The following ZNF385D variants were observed in gnomAD, a reference collection of about 807,000 sequenced individuals.
ZNF385D encodes the protein zinc finger protein 659.
In ZNF385D, 15 loss-of-function variants were observed where a neutral mutation model predicts 35.8. That is an observed-to-expected ratio of 0.42 (90% CI 0.28 to 0.64). The LOEUF (loss-of-function observed/expected upper bound fraction) is 0.64. Ranked by LOEUF, ZNF385D falls within the 30% of genes least tolerant of loss-of-function variation. The pLI is 0.23. For missense variants in ZNF385D, 474 were observed against 494.6 expected (o/e 0.96, Z 0.39); for synonymous variants, 212 against 186.8 (o/e 1.13, Z -1.10).
chr3:21,831,556 A>T (rs1694987870), intron 3 of ZNF385D, among the ~76,000 whole-genome samples: 1 of 152,144 alleles, frequency 6.6e-6, no homozygotes, highest in African/African-American at 2.4e-5. Flanking sequence ...TATCCATACC[A>T]CTTAGCTTCT....
intron 2 of ZNF385D, among the ~76,000 whole-genome samples, chr3:22,284,185 G>A (rs568275164): frequency 1.2e-4 from 18 of 151,540 alleles, no homozygotes; most frequent in Admixed American, 3.3e-4. Flanking sequence ...ATTTTTGTTT[G>A]TTTGTTTGTT....
At chr3:21,638,858 A>G (rs2065521906) in intron 2 of ZNF385D, among the ~76,000 whole-genome samples, 1 of 152,138 alleles carries the variant, frequency 6.6e-6, no homozygotes, top group Non-Finnish European at 1.5e-5. Flanking sequence ...TCGAAATGGC[A>G]ATAACATGTG....
intron 4 of ZNF385D, among the ~76,000 whole-genome samples, chr3:21,452,579 A>G (rs1315148414): frequency 6.6e-6 from 1 of 152,086 alleles, no homozygotes; most frequent in Non-Finnish European, 1.5e-5. Context: ...GCAATGAACA[A>G]TCTAAAGTTA....
intron 3 of ZNF385D, among the ~76,000 whole-genome samples, chr3:21,778,051 T>C (rs2071356264): frequency 4.6e-5 from 7 of 151,946 alleles, no homozygotes; most frequent in Admixed American, 4.6e-4. Context: ...TAATGAGTTC[T>C]AGGGTGGTTT....
At chr3:21,681,377 G>T (rs1559513712) in intron 1 of ZNF385D, among the ~76,000 whole-genome samples, 1 of 130,580 alleles carries the variant, frequency 7.7e-6, no homozygotes, top group Non-Finnish European at 1.6e-5. Flanking sequence ...AACAAATTAT[G>T]TTATTCATTA....
At chr3:21,526,022 C>G (rs1011587963) in intron 3 of ZNF385D, among the ~76,000 whole-genome samples, 5 of 152,022 alleles carry the variant, frequency 3.3e-5, no homozygotes, top group African/African-American at 7.2e-5. Context: ...GCTCCTTATT[C>G]TGTTACTGGT....
At chr3:21,936,420 G>A (rs756794522) in intron 3 of ZNF385D, among the ~76,000 whole-genome samples, 2 of 150,408 alleles carry the variant, frequency 1.3e-5, no homozygotes, top group Non-Finnish European at 3.0e-5. Flanking sequence ...TGTCAGCATT[G>A]TTCTGTGCAA....
intron 3 of ZNF385D, among the ~76,000 whole-genome samples, chr3:21,844,201 T>C (rs1695856741): frequency 6.6e-6 from 1 of 152,030 alleles, no homozygotes; most frequent in Admixed American, 6.6e-5. Flanking sequence ...ACATTTGTTT[T>C]ACAAATTAGG....
chr3:22,142,456 G>A (rs1704567522), intron 3 of ZNF385D, among the ~76,000 whole-genome samples: 1 of 152,190 alleles, frequency 6.6e-6, no homozygotes, highest in Admixed American at 6.5e-5. Context: ...AAACCAGATG[G>A]TTTAATTCTG....
intron 3 of ZNF385D, among the ~76,000 whole-genome samples, chr3:21,938,807 A>G (rs1017056701): frequency 6.6e-6 from 1 of 152,222 alleles, no homozygotes; most frequent in African/African-American, 2.4e-5. Flanking sequence ...CACAAAGTCA[A>G]GATCAAGTTC....
chr3:22,057,389 GAA>G (rs1370521415), intron 3 of ZNF385D, among the ~76,000 whole-genome samples: 2 of 152,138 alleles, frequency 1.3e-5, no homozygotes, highest in Non-Finnish European at 2.9e-5. Flanking sequence ...AACTGTGTTA[GAA>G]AGGACTTGAA....
intron 1 of ZNF385D, among the ~76,000 whole-genome samples, chr3:21,718,471 T>C (rs1227910302): frequency 6.6e-6 from 1 of 152,238 alleles, no homozygotes; most frequent in Non-Finnish European, 1.5e-5. Context: ...CCAGTATTTA[T>C]CTAAGCACTT....
At chr3:21,487,588 A>C (rs1035365930) in intron 4 of ZNF385D, among the ~76,000 whole-genome samples, 3 of 152,090 alleles carry the variant, frequency 2.0e-5, no homozygotes, top group Non-Finnish European at 4.4e-5. Flanking sequence ...ATAGTCATAA[A>C]ATGGAGAAAA....
intron 2 of ZNF385D, among the ~76,000 whole-genome samples, chr3:22,259,442 G>T (rs117672011): frequency 6.6e-6 from 1 of 151,796 alleles, no homozygotes; most frequent in African/African-American, 2.4e-5. Flanking sequence ...TCTGTCAGTT[G>T]TTCTTTCAAG....
chr3:22,371,195 T>G (rs993576406), intron 2 of ZNF385D, among the ~76,000 whole-genome samples: 5 of 151,994 alleles, frequency 3.3e-5, no homozygotes, highest in Admixed American at 3.3e-4. Flanking sequence ...GGCCAACGAG[T>G]GGCACGACAA....
At chr3:22,090,671 T>C (rs1701282327) in intron 3 of ZNF385D, among the ~76,000 whole-genome samples, 1 of 152,132 alleles carries the variant, frequency 6.6e-6, no homozygotes, top group Non-Finnish European at 1.5e-5. Flanking sequence ...AATTCACCAT[T>C]TCTCATGTGA....
chr3:21,706,419 T>C (rs570522752), intron 1 of ZNF385D, among the ~76,000 whole-genome samples: 5 of 152,306 alleles, frequency 3.3e-5, no homozygotes, highest in African/African-American at 1.2e-4. Flanking sequence ...GTACATCTTT[T>C]GGTAAAAACT....
At chr3:22,272,928 AT>A (rs1205083928) in intron 2 of ZNF385D, among the ~76,000 whole-genome samples, 1 of 152,032 alleles carries the variant, frequency 6.6e-6, no homozygotes, top group African/African-American at 2.4e-5. Context: ...ACGATCAGAA[AT>A]AAGAGAGGAC....
intron 3 of ZNF385D, among the ~76,000 whole-genome samples, chr3:22,122,739 C>T (rs557041695): frequency 4.4e-4 from 67 of 152,208 alleles, no homozygotes; most frequent in African/African-American, 1.2e-3. Flanking sequence ...CCTACTGAGA[C>T]GGTGACATTC....
Sources: allele counts gnomAD v4.1 joint callset (sites outside exome capture counted in the v4.1 genomes callset), GRCh38; gene constraint gnomAD v4.1.1; transcripts MANE v1.5; gene names NCBI Gene and HGNC (gene_info 2026-07-23, HGNC 2026-07-21).